The following HECW1 variants were observed in gnomAD, a reference collection of about 807,000 sequenced individuals.
The protein encoded by HECW1 is E3 ubiquitin-protein ligase HECW1.
In HECW1, 61 loss-of-function variants were observed where a neutral mutation model predicts 182.3. That is an observed-to-expected ratio of 0.33 (90% CI 0.27 to 0.41). The LOEUF is 0.41. Ranked by LOEUF, HECW1 falls within the 10% of genes least tolerant of loss-of-function variation. The probability of loss-of-function intolerance (pLI) is 1.00; values close to 1 mark genes in which losing one functional copy is unlikely to be tolerated. For missense variants in HECW1, 1,739 were observed against 2,108.9 expected (o/e 0.82, Z 3.44); for synonymous variants, 859 against 832.6 (o/e 1.03, Z -0.55).
intron 14 of HECW1, among the ~76,000 whole-genome samples, chr7:43,464,802 GTTA>G (rs569639935): frequency 2.0e-5 from 3 of 151,980 alleles, no homozygotes; most frequent in Non-Finnish European, 4.4e-5. Flanking sequence ...AGGTTTTTCT[GTTA>G]TTATTATTAT....
In HECW1 at chr7:43,320,721, G is replaced by A; in HGVS notation, c.439G>A (p.Ala147Thr). ...GGGCCAGATCATCTGGAAGATCGAT[G>A]CCAGCTCGTACTTTGTGGAACGTGA... Reference protein sequence around the residue: ...HRGQIIWKIDASSYFVEPETK... With the variant: ...HRGQIIWKIDTSSYFVEPETK... The change falls in exon 5 of 30, where the codon GCC becomes ACC. Residue 147 changes from alanine to threonine, a missense_variant. By Grantham distance (58) the Ala-to-Thr change is moderately conservative. Around this residue, in one of 5 missense-constraint regions of HECW1, gnomAD observed 279 missense variants for 353.1 expected, o/e 0.79. Transcript: ENST00000395891. 6.2e-7 allele frequency: 1 copy of A among 1,613,816 alleles called. No homozygotes were observed.
intron 8 of HECW1, among the ~76,000 whole-genome samples, chr7:43,418,158 C>G (rs1227232736): frequency 1.3e-5 from 2 of 152,150 alleles, no homozygotes; most frequent in Admixed American, 6.5e-5. Flanking sequence ...TTTTCTTCTT[C>G]TTAGAGGGAC....
chr7:43,160,379 G>A (rs975523403), intron 2 of HECW1, among the ~76,000 whole-genome samples: 8 of 151,952 alleles, frequency 5.3e-5, no homozygotes, highest in African/African-American at 1.9e-4. Context: ...TTAGTCTTGC[G>A]GTTAGAAAAA....
chr7:43,367,533 AT>A (rs1433800633), intron 6 of HECW1, among the ~76,000 whole-genome samples: 2 of 152,200 alleles, frequency 1.3e-5, no homozygotes, highest in Admixed American at 1.3e-4. Context: ...TTAAGAAAGC[AT>A]TTTGATTTGT....
At chr7:43,332,494 T>A (rs1023689911) in intron 5 of HECW1, among the ~76,000 whole-genome samples, 1 of 152,158 alleles carries the variant, frequency 6.6e-6, no homozygotes. Flanking sequence ...CAGGCAAGAA[T>A]ATGGGGCAGA....
chr7:43,146,761 G>A (rs1351418983), intron 2 of HECW1, among the ~76,000 whole-genome samples: 2 of 152,232 alleles, frequency 1.3e-5, no homozygotes, highest in Non-Finnish European at 2.9e-5. Context: ...CAAGGAAGAT[G>A]TGCCAGGCTA....
chr7:43,525,208 G>T (rs898825105), intron 24 of HECW1, among the ~76,000 whole-genome samples: 72 of 152,246 alleles, frequency 4.7e-4, no homozygotes, highest in African/African-American at 1.7e-3. Flanking sequence ...TCAGCATCAT[G>T]GCTGAGAAAT....
At chr7:43,427,671 G>A (rs76852295) in intron 8 of HECW1, among the ~76,000 whole-genome samples, 2,497 of 152,172 alleles carry the variant, frequency 0.016, 54 homozygotes, top group African/African-American at 0.052. Flanking sequence ...CTGCGTTCTC[G>A]GCTCAGGATC....
chr7:43,213,953 G>T (rs983995084), intron 2 of HECW1, among the ~76,000 whole-genome samples: 2 of 151,920 alleles, frequency 1.3e-5, no homozygotes, highest in Admixed American at 1.3e-4. Context: ...ATTTTTTCAG[G>T]AAATTAAACA....
At chr7:43,458,393 A>G (rs532164983) in intron 13 of HECW1, among the ~76,000 whole-genome samples, 1 of 152,324 alleles carries the variant, frequency 6.6e-6, no homozygotes, top group East Asian at 1.9e-4. Context: ...CTGCTTGCAT[A>G]ATATAAAAAT....
intron 2 of HECW1, among the ~76,000 whole-genome samples, chr7:43,127,455 A>G (rs779566463): frequency 4.3e-5 from 6 of 140,668 alleles, no homozygotes; most frequent in Non-Finnish European, 9.1e-5. Context: ...CCTGGGAGGC[A>G]GAGGTTGCGG....
In HECW1 at chr7:43,403,756, G is replaced by A. The variant is rs76125586; in HGVS notation, c.632-3806G>A. Among the ~76,000 whole-genome samples the A allele has an allele frequency of 5.1e-3, 778 of 152,210 alleles. 6 individuals are homozygous for A. The highest frequency in any genetic ancestry group is 0.018 in the African/African-American group (741 of 41,532). ...GAATATGCAGTATGTTCTCAACTAC[G>A]CAAAGAAAAATACTAGGAGGAATAA... On this transcript the variant is annotated intron_variant, in intron 7 of 29. Transcript: ENST00000395891.
chr7:43,415,435 G>A (rs1338815231), intron 8 of HECW1, among the ~76,000 whole-genome samples: 2 of 149,798 alleles, frequency 1.3e-5, no homozygotes, highest in South Asian at 2.2e-4. Context: ...AGGGTAACCC[G>A]ACCTTTCTCT....
chr7:43,393,444 G>C (rs1409789796), intron 6 of HECW1, among the ~76,000 whole-genome samples: 2 of 152,232 alleles, frequency 1.3e-5, no homozygotes, highest in Non-Finnish European at 1.5e-5. Flanking sequence ...TCTCGAGTGA[G>C]AAGTCAGGTT....
chr7:43,191,824 A>T (rs537064127), intron 2 of HECW1, among the ~76,000 whole-genome samples: 3 of 152,342 alleles, frequency 2.0e-5, no homozygotes, highest in East Asian at 1.9e-4. Context: ...GCAAACTCAT[A>T]TTATGCAGTA....
At chr7:43,383,079 G>A (rs2074621981) in intron 6 of HECW1, among the ~76,000 whole-genome samples, 1 of 152,120 alleles carries the variant, frequency 6.6e-6, no homozygotes, top group Non-Finnish European at 1.5e-5. Context: ...ATGGCTTCTG[G>A]CTTCATCCAC....
At chr7:43,397,127 G>A (rs1005286760) in intron 7 of HECW1, among the ~76,000 whole-genome samples, 1 of 152,206 alleles carries the variant, frequency 6.6e-6, no homozygotes, top group East Asian at 1.9e-4. Flanking sequence ...GGAAAGGGAG[G>A]CTGCAGTTCT....
intron 7 of HECW1, among the ~76,000 whole-genome samples, chr7:43,398,626 A>C (rs1304054786): frequency 6.6e-6 from 1 of 152,100 alleles, no homozygotes; most frequent in Non-Finnish European, 1.5e-5. Flanking sequence ...AAAAAAAAAA[A>C]GAAGAAAAAA....
At chr7:43,221,537 G>GGTT (rs1796945155) in intron 2 of HECW1, among the ~76,000 whole-genome samples, 1 of 50,500 alleles carries the variant, frequency 2.0e-5, no homozygotes, top group African/African-American at 7.7e-5. Context: ...GAGGAATTAG[G>GGTT]TTTTTTTTTT....
Sources: allele counts gnomAD v4.1 joint callset (sites outside exome capture counted in the v4.1 genomes callset), GRCh38; gene constraint gnomAD v4.1.1; regional missense constraint gnomAD v4.1.1; transcripts MANE v1.5; gene names NCBI Gene and HGNC (gene_info 2026-07-23, HGNC 2026-07-21).